MAPT: variants seen among roughly 807,000 people sequenced by gnomAD.
MAPT encodes microtubule-associated protein tau.
Under a neutral mutation model 67.9 loss-of-function variants are expected in MAPT, and 34 were observed. The observed-to-expected ratio is 0.50, with a 90% CI of 0.38 to 0.67. The LOEUF is 0.67. Ranked by LOEUF, MAPT falls within the 30% of genes least tolerant of loss-of-function variation. The probability of loss-of-function intolerance (pLI) is 0.00; values close to 1 mark genes in which losing one functional copy is unlikely to be tolerated. For synonymous variants in MAPT, 456 were observed against 464.5 expected (o/e 0.98, Z 0.23); for missense variants, 881 against 1,115.2 (o/e 0.79, Z 2.99).
At chr17:45,903,381 A>G (rs1377341647) in intron 1 of MAPT, among the ~76,000 whole-genome samples, 1 of 151,884 alleles carries the variant, frequency 6.6e-6, no homozygotes, top group East Asian at 1.9e-4. Context: ...TCCCCCTCCC[A>G]TGGCCTGTCC....
intron 9 of MAPT, among the ~76,000 whole-genome samples, chr17:46,009,583 TGGAA>T (rs2075682452): frequency 6.6e-6 from 1 of 151,966 alleles, no homozygotes; most frequent in Non-Finnish European, 1.5e-5. Flanking sequence ...GGTGGGTGGA[TGGAA>T]GGAGAAGGCA....
chr17:45,960,155 T>C (rs946844042), intron 1 of MAPT, among the ~76,000 whole-genome samples: 32 of 152,274 alleles, frequency 2.1e-4, no homozygotes, highest in Non-Finnish European at 1.2e-4. Flanking sequence ...TTTTCTGTTA[T>C]ACATTCATTA....
rs2073941856 is a variant in MAPT, at chr17:45,990,083, A to G, written c.1605+8A>G. On this transcript the variant is annotated splice_region_variant and intron_variant, in intron 7 of 12. Transcript: ENST00000262410. ...AAGGAGATGAAACTCAAGGTAAGGA[A>G]ACCACCTTTGAAAAGAACCAGGCTG... 1 of 1,613,738 alleles carries G rather than the reference A, an allele frequency of 6.2e-7. No individual in the cohort carries two copies. The highest frequency in any genetic ancestry group is 1.7e-5 in the Admixed American group (1 of 60,010).
intron 1 of MAPT, among the ~76,000 whole-genome samples, chr17:45,937,221 C>A (rs2144814014): frequency 1.3e-5 from 2 of 152,182 alleles, no homozygotes; most frequent in Middle Eastern, 3.4e-3. Flanking sequence ...AAGGAGAGGC[C>A]CCCTCTCACC....
intron 6 of MAPT, 70 bp from the exon 7 acceptor site, chr17:45,989,808 C>T: frequency 7.2e-7 from 1 of 1,397,752 alleles, no homozygotes; most frequent in Non-Finnish European, 1.0e-6. Context: ...AGTTACTGTC[C>T]TTTTTTCAGT....
chr17:45,999,507 T>A, intron 9 of MAPT: 3 of 1,613,972 alleles, frequency 1.9e-6, no homozygotes. Context: ...TTTGGCCCAG[T>A]TCTTACAGCT....
intron 8 of MAPT, among the ~76,000 whole-genome samples, chr17:45,991,991 G>A (rs2074095510): frequency 6.6e-6 from 1 of 151,876 alleles, no homozygotes; most frequent in East Asian, 1.9e-4. Flanking sequence ...TCACCATGTT[G>A]GCCAGGCTGG....
chr17:45,907,982 A>G (rs888773928), intron 1 of MAPT: 1 of 152,240 alleles, frequency 6.6e-6, no homozygotes, highest in African/African-American at 2.4e-5. Context: ...AGCATCCCCC[A>G]TCTGGTTCTA....
intron 9 of MAPT, among the ~76,000 whole-genome samples, chr17:46,006,691 G>T (rs556431163): frequency 4.2e-4 from 64 of 151,958 alleles, no homozygotes; most frequent in African/African-American, 1.5e-3. Flanking sequence ...GAGGCGGGCC[G>T]ATCACGAGGT....
intron 3 of MAPT, chr17:45,976,142 G>A (rs1287838024): frequency 6.6e-6 from 1 of 152,228 alleles, no homozygotes; most frequent in Non-Finnish European, 1.5e-5. Context: ...GCCCACATGG[G>A]GCCCACGGGA....
intron 2 of MAPT, among the ~76,000 whole-genome samples, chr17:45,962,861 G>T (rs904507991): frequency 1.3e-5 from 2 of 151,940 alleles, no homozygotes; most frequent in African/African-American, 4.8e-5. Context: ...GGAGTTCAAG[G>T]TTGCAGTAAG....
chr17:45,936,180 G>A (rs1392765049), intron 1 of MAPT, among the ~76,000 whole-genome samples: 3 of 152,188 alleles, frequency 2.0e-5, no homozygotes, highest in South Asian at 2.1e-4. Flanking sequence ...TGGCCAGACC[G>A]AATATATCCA....
At chr17:46,022,506 C>T (rs183097942) in intron 12 of MAPT, among the ~76,000 whole-genome samples, 1 of 152,218 alleles carries the variant, frequency 6.6e-6, no homozygotes, top group East Asian at 1.9e-4. Flanking sequence ...GCAATAGGGG[C>T]CCTTCACCCC....
At chr17:45,903,855 T>TTATATATATTATATATTATATAA (rs2063824173) in intron 1 of MAPT, among the ~76,000 whole-genome samples, 1 of 44,772 alleles carries the variant, frequency 2.2e-5, no homozygotes, top group African/African-American at 7.1e-5. Flanking sequence ...ATATTATATA[T>TTATATATATTATATATTATATAA]TATATATATT....
At chr17:45,935,435 G>A (rs148861823) in intron 1 of MAPT, among the ~76,000 whole-genome samples, 1 of 152,178 alleles carries the variant, frequency 6.6e-6, no homozygotes, top group East Asian at 1.9e-4. Context: ...ACGCAGCTGG[G>A]GTCCATTTAC....
At chr17:45,944,816 C>T (rs1021041215) in intron 1 of MAPT, among the ~76,000 whole-genome samples, 4 of 152,138 alleles carry the variant, frequency 2.6e-5, no homozygotes, top group Admixed American at 6.5e-5. Flanking sequence ...GCTGAGGCAA[C>T]GCCCTGACTG....
In MAPT at chr17:45,962,437, G is replaced by A; in HGVS notation, c.100G>A (p.Asp34Asn). Residue 34 changes from aspartate to asparagine, a missense_variant, in exon 2 of 13, where the codon GAC becomes AAC. Transcript: ENST00000262410. Reference sequence around the variant, plus strand: ...TCAGGGGGGCTACACCATGCACCAAGACCAAGAGGGTGACACGGACGCTGG... The same window carrying A: ...TCAGGGGGGCTACACCATGCACCAAAACCAAGAGGGTGACACGGACGCTGG... ...KDQGGYTMHQ[D>N]QEGDTDAGLK... The A allele has an allele frequency of 6.2e-7, 1 of 1,612,938 alleles. No homozygotes were observed. The highest frequency in any genetic ancestry group is 8.5e-7 in the Non-Finnish European group (1 of 1,179,952).
chr17:45,898,505 T>C (rs2063412160), intron 1 of MAPT: 1 of 152,220 alleles, frequency 6.6e-6, no homozygotes, highest in Admixed American at 6.5e-5. Flanking sequence ...TGGGATAAGA[T>C]TGTGGTTTTC....
At chr17:45,978,532 C>A in intron 4 of MAPT, 92 bp downstream of exon 4, 1 of 1,021,160 alleles carries the variant, frequency 9.8e-7, no homozygotes, top group Non-Finnish European at 1.5e-6. Flanking sequence ...TGGACCTGAG[C>A]TCTAATTCAC....
Sources: allele counts gnomAD v4.1 joint callset (sites outside exome capture counted in the v4.1 genomes callset), GRCh38; gene constraint gnomAD v4.1.1; transcripts MANE v1.5; gene names NCBI Gene and HGNC (gene_info 2026-07-23, HGNC 2026-07-21).